Variants in SLCO3A1 observed in about 807,000 individuals in gnomAD.
SLCO3A1 encodes PGE1 transporter.
Under a neutral mutation model 63.1 loss-of-function variants are expected in SLCO3A1, and 27 were observed. The ratio of observed to expected loss-of-function variants is 0.43; its 90% CI spans 0.32 to 0.59. SLCO3A1 has a LOEUF of 0.59. SLCO3A1 is among the 20% of genes least tolerant of loss of function. The pLI is 0.09. For synonymous variants in SLCO3A1, 473 were observed against 409.9 expected, an observed-to-expected ratio of 1.15 and a Z score of -1.86; for missense variants, 773 against 945.8, an observed-to-expected ratio of 0.82 and a Z score of 2.40.
In SLCO3A1 at chr15:91,886,766, T is replaced by C. The variant is rs1162151966; in HGVS notation, c.181-29227T>C. Among the ~76,000 whole-genome samples the C allele has an allele frequency of 6.6e-6, 1 of 152,230 alleles. No individual in the cohort carries two copies. The highest frequency in any genetic ancestry group is 2.4e-5 in the African/African-American group (1 of 41,460). ...AGGGGTACGATGTGATGGCCCTCTG[T>C]TGATTCTCTTTAAAAGTTGTGAATG... On this transcript the variant is annotated intron_variant, in intron 1 of 9. Transcript: ENST00000318445. This position sits in a 1 kb window ranked among gnomAD's most constrained non-coding sequence, Gnocchi z 4.9.
chr15:92,019,384 C>T (rs2046478596), intron 2 of SLCO3A1, among the ~76,000 whole-genome samples: 1 of 152,194 alleles, frequency 6.6e-6, no homozygotes, highest in South Asian at 2.1e-4. Context: ...AAAGGCAAAG[C>T]ATGTAGCTCT....
intron 2 of SLCO3A1, among the ~76,000 whole-genome samples, chr15:91,984,104 C>T (rs530345620): frequency 1.1e-4 from 16 of 152,264 alleles, no homozygotes; most frequent in African/African-American, 2.9e-4. Context: ...GATTTGCAGT[C>T]GGTTATTCCC....
At chr15:91,871,690 CT>C (rs1170502249) in intron 1 of SLCO3A1, among the ~76,000 whole-genome samples, 3 of 131,914 alleles carry the variant, frequency 2.3e-5, no homozygotes, top group Non-Finnish European at 4.8e-5. Flanking sequence ...ACACTGGATT[CT>C]TTTTCCTTTA....
intron 6 of SLCO3A1, among the ~76,000 whole-genome samples, chr15:92,127,223 T>C (rs977554826): frequency 5.3e-5 from 8 of 152,210 alleles, no homozygotes; most frequent in Admixed American, 5.2e-4. Flanking sequence ...TATGTCTTCT[T>C]CCCGTTTGCA....
chr15:91,866,484 C>G (rs1897166642), intron 1 of SLCO3A1, among the ~76,000 whole-genome samples: 1 of 151,266 alleles, frequency 6.6e-6, no homozygotes, highest in Non-Finnish European at 1.5e-5. Flanking sequence ...CACCAGACAT[C>G]TGCATTCTAA....
chr15:92,162,089 TCACTTTACATG>T (rs2048445793), intron 9 of SLCO3A1: 1 of 151,778 alleles, frequency 6.6e-6, no homozygotes, highest in Non-Finnish European at 1.5e-5. Context: ...CAGCTGTCAT[TCACTTTACATG>T]GTAAAGTGAC....
chr15:92,146,350 G>GTATC (rs1172917802), intron 7 of SLCO3A1, among the ~76,000 whole-genome samples: 2 of 152,190 alleles, frequency 1.3e-5, no homozygotes, highest in African/African-American at 4.8e-5. Flanking sequence ...ATTAATAAAT[G>GTATC]TATCTATCTT....
At chr15:91,990,377 G>C (rs1490481424) in intron 2 of SLCO3A1, among the ~76,000 whole-genome samples, 1 of 152,126 alleles carries the variant, frequency 6.6e-6, no homozygotes, top group African/African-American at 2.4e-5. Flanking sequence ...AGTGCCTGCT[G>C]TTGGCTGCTT....
intron 2 of SLCO3A1, among the ~76,000 whole-genome samples, chr15:91,947,904 T>C (rs2151407185): frequency 6.6e-6 from 1 of 152,306 alleles, no homozygotes; most frequent in East Asian, 1.9e-4. Flanking sequence ...GACACACAGC[T>C]GCTGGCAATT....
At chr15:92,166,876 T>TC (rs1167842028), downstream of SLCO3A1, among the ~76,000 whole-genome samples, 1 of 152,134 alleles carries the variant, frequency 6.6e-6, no homozygotes, top group Non-Finnish European at 1.5e-5. Context: ...TCCTAGGAAG[T>TC]CTGGTTTCTT....
chr15:92,107,924 T>C (rs1291109979), intron 4 of SLCO3A1, among the ~76,000 whole-genome samples: 1 of 152,260 alleles, frequency 6.6e-6, no homozygotes, highest in African/African-American at 2.4e-5. Context: ...TCTGGTTTAG[T>C]CTTTACAAAA....
In SLCO3A1 at chr15:91,974,274, A is replaced by G. The variant is rs201124972; in HGVS notation, c.646+57816A>G. ...CACCATTTTCATTATTGTTATTATT[A>G]TTATTATTATTATTATTATTATTAT... On this transcript the variant is annotated intron_variant, in intron 2 of 9. Transcript: ENST00000318445. Among the ~76,000 whole-genome samples the G allele has an allele frequency of 3.5e-4, 36 of 104,068 alleles. 1 individual carries two copies. The highest frequency in any genetic ancestry group is 4.0e-4 in the Non-Finnish European group (17 of 42,278). 68.3% of individuals were successfully genotyped at this position (104,068 alleles called of 152,430 possible). A position where few individuals can be genotyped will look rare whatever the true frequency, so the allele number is the denominator to read the frequency against.
intron 1 of SLCO3A1, among the ~76,000 whole-genome samples, chr15:91,905,127 C>A (rs1047710847): frequency 7.2e-5 from 11 of 152,188 alleles, no homozygotes; most frequent in African/African-American, 2.7e-4. Flanking sequence ...GGAACCAAAG[C>A]AAACAGGGAA....
At chr15:92,055,390 G>A (rs2047009737) in intron 2 of SLCO3A1, among the ~76,000 whole-genome samples, 2 of 152,168 alleles carry the variant, frequency 1.3e-5, no homozygotes, top group Non-Finnish European at 2.9e-5. Flanking sequence ...ATCCCGTTCA[G>A]TGTGTTGTCT....
At chr15:92,156,604 G>A (rs2048374351) in intron 9 of SLCO3A1, among the ~76,000 whole-genome samples, 1 of 152,212 alleles carries the variant, frequency 6.6e-6, no homozygotes, top group Non-Finnish European at 1.5e-5. Context: ...AAAAGTAAAT[G>A]TCAGGTATCA....
At chr15:91,977,446 G>T (rs1018695048) in intron 2 of SLCO3A1, among the ~76,000 whole-genome samples, 3 of 152,172 alleles carry the variant, frequency 2.0e-5, no homozygotes, top group Non-Finnish European at 4.4e-5. Context: ...GTCAGTTTGG[G>T]GTTATTAGGG....
intron 1 of SLCO3A1, among the ~76,000 whole-genome samples, chr15:91,892,202 A>G (rs536292764): frequency 2.0e-4 from 31 of 152,318 alleles, no homozygotes; most frequent in South Asian, 1.0e-3. Flanking sequence ...TGTCTTTACT[A>G]CTTAAGAAGA....
chr15:92,152,011 G>C (rs1177521732), intron 9 of SLCO3A1, among the ~76,000 whole-genome samples: 1 of 152,118 alleles, frequency 6.6e-6, no homozygotes, highest in Admixed American at 6.5e-5. Context: ...ATTCTGGAAA[G>C]AAAAATATAG....
At chr15:91,884,601 T>C (rs1044414860) in intron 1 of SLCO3A1, among the ~76,000 whole-genome samples, 32 of 152,118 alleles carry the variant, frequency 2.1e-4, no homozygotes, top group African/African-American at 7.7e-4. Flanking sequence ...AACTTATTGA[T>C]TTATTCAGCA....
Sources: gnomAD v4.1 joint callset for allele counts (sites outside exome capture counted in the v4.1 genomes callset) on GRCh38, gnomAD v4.1.1 for gene constraint, Gnocchi (gnomAD v3.1) non-coding constraint, MANE v1.5 for transcripts, NCBI Gene and HGNC (gene_info 2026-07-23, HGNC 2026-07-21) for gene names.